EFCAB6: variants seen among roughly 807,000 people sequenced by gnomAD.
The protein encoded by EFCAB6 is EF-hand calcium-binding domain-containing protein 6.
Under a neutral mutation model 169.8 loss-of-function variants are expected in EFCAB6, and 156 were observed. The observed-to-expected ratio is 0.92, with a 90% confidence interval of 0.81 to 1.05. The LOEUF (loss-of-function observed/expected upper bound fraction) is 1.05. Ranked by LOEUF, EFCAB6 falls within the 50% of genes least tolerant of loss-of-function variation. EFCAB6 has a pLI of 0.00. For synonymous variants in EFCAB6, 698 were observed against 676.4 expected (o/e 1.03, Z -0.50); for missense variants, 1,800 against 1,829.1 (o/e 0.98, Z 0.29).
At chr22:43,746,931 C>T (rs557495999) in intron 6 of EFCAB6, among the ~76,000 whole-genome samples, 13 of 152,346 alleles carry the variant, frequency 8.5e-5, no homozygotes, top group African/African-American at 2.4e-4. Context: ...CAGAGCTGCA[C>T]ACCAGCAGGG....
intron 27 of EFCAB6, among the ~76,000 whole-genome samples, chr22:43,542,510 G>A (rs1292844316): frequency 6.6e-6 from 1 of 152,190 alleles, no homozygotes; most frequent in Non-Finnish European, 1.5e-5. Context: ...AACCTGGGAG[G>A]TGGATGCTGC....
intron 10 of EFCAB6, among the ~76,000 whole-genome samples, chr22:43,688,269 T>G (rs191243198): frequency 4.0e-4 from 61 of 152,318 alleles, no homozygotes; most frequent in African/African-American, 1.5e-3. Flanking sequence ...GCCCTGCTGA[T>G]TCCTTGATTC....
intron 23 of EFCAB6, among the ~76,000 whole-genome samples, chr22:43,593,566 G>A (rs189561492): frequency 3.3e-5 from 5 of 152,180 alleles, no homozygotes; most frequent in Admixed American, 6.5e-5. Context: ...ATTTTACTTC[G>A]AATTTCACAA....
intron 20 of EFCAB6, among the ~76,000 whole-genome samples, chr22:43,617,201 G>T (rs1312650808): frequency 6.6e-6 from 1 of 152,226 alleles, no homozygotes; most frequent in Non-Finnish European, 1.5e-5. Flanking sequence ...ATGGAATTAC[G>T]TTGCATTTTT....
intron 20 of EFCAB6, among the ~76,000 whole-genome samples, chr22:43,621,544 C>T (rs1440611751): frequency 6.6e-6 from 1 of 151,968 alleles, no homozygotes. Flanking sequence ...TTGTGAAATG[C>T]AGCTAAATCA....
intron 2 of EFCAB6, among the ~76,000 whole-genome samples, chr22:43,798,759 T>C (rs1337852066): frequency 6.6e-6 from 1 of 152,148 alleles, no homozygotes; most frequent in East Asian, 1.9e-4. Context: ...CAACACAAGG[T>C]AGACAATGCC....
At chr22:43,755,698 C>T in intron 6 of EFCAB6, 68 bp downstream of exon 6, 1 of 1,386,860 alleles carries the variant, frequency 7.2e-7, no homozygotes, top group Non-Finnish European at 9.8e-7. Context: ...TATCATCTAC[C>T]TCCACTAACA....
intron 10 of EFCAB6, among the ~76,000 whole-genome samples, chr22:43,689,349 G>GCACACACACACACACACACACA (rs3221390): frequency 5.4e-4 from 79 of 147,066 alleles, no homozygotes; most frequent in African/African-American, 1.2e-3. Context: ...GAGAGCACGT[G>GCACACACACACACACACACACA]CACACACACA....
chr22:43,697,283 G>A (rs2058610004), intron 10 of EFCAB6, among the ~76,000 whole-genome samples: 1 of 152,132 alleles, frequency 6.6e-6, no homozygotes, highest in Non-Finnish European at 1.5e-5. Flanking sequence ...ACATCATGGA[G>A]CCATTAAAAA....
At chr22:43,657,624 C>T (rs957374779) in intron 17 of EFCAB6, among the ~76,000 whole-genome samples, 1 of 152,100 alleles carries the variant, frequency 6.6e-6, no homozygotes, top group African/African-American at 2.4e-5. Flanking sequence ...TGGAGAGCCA[C>T]AACTTCATAC....
intron 17 of EFCAB6, among the ~76,000 whole-genome samples, chr22:43,649,030 G>A (rs2056328685): frequency 6.6e-6 from 1 of 151,808 alleles, no homozygotes; most frequent in South Asian, 2.1e-4. Flanking sequence ...GTGCAAACGA[G>A]CCAATGCCCA....
At chr22:43,735,216 C>T (rs534515505) in intron 7 of EFCAB6, among the ~76,000 whole-genome samples, 1 of 152,166 alleles carries the variant, frequency 6.6e-6, no homozygotes, top group Admixed American at 6.5e-5. Context: ...CCCGTGCAGG[C>T]TTCTGTGTGC....
chr22:43,632,037 C>T (rs2054983522), intron 19 of EFCAB6, 68 bp downstream of exon 19: 5 of 1,583,008 alleles, frequency 3.2e-6, no homozygotes, highest in Non-Finnish European at 4.3e-6. Context: ...GACTCACACC[C>T]ACTTGGGCTG....
chr22:43,739,389 TTCC>T (rs1195807885), intron 6 of EFCAB6, among the ~76,000 whole-genome samples: 2 of 152,072 alleles, frequency 1.3e-5, no homozygotes, highest in Non-Finnish European at 2.9e-5. Flanking sequence ...CCCTTGCTAG[TTCC>T]TCCTCCTCCT....
At chr22:43,715,602 C>G (rs1251899896) in intron 9 of EFCAB6, among the ~76,000 whole-genome samples, 5 of 152,138 alleles carry the variant, frequency 3.3e-5, no homozygotes, top group Admixed American at 6.5e-5. Flanking sequence ...TCTCCACCTA[C>G]CCACTGATCC....
intron 2 of EFCAB6, among the ~76,000 whole-genome samples, chr22:43,784,676 T>TATGTGTGTATATATACATATGCATAC (rs1439765812): frequency 4.8e-5 from 3 of 63,114 alleles, no homozygotes; most frequent in Admixed American, 4.9e-4. Context: ...TATACATATA[T>TATGTGTGTATATATACATATGCATAC]ACACACACAC....
At position 43,607,572 on chromosome 22, in the gene EFCAB6, G is replaced by C. The variant is rs58744235; in HGVS notation, c.2681+910C>G. On this transcript the variant is annotated intron_variant, in intron 22 of 31. Transcript: ENST00000262726. ...TCTAACTGGACCCTGTGTTGGAACT[G>C]ATCTTTAAAAAGTAAGCATTTTGTA... Among the ~76,000 whole-genome samples, 1,141 of 152,304 alleles carry C rather than the reference G, an allele frequency of 7.5e-3. 18 individuals carry two copies. The highest frequency in any genetic ancestry group is 0.026 in the African/African-American group (1,099 of 41,568).
intron 22 of EFCAB6, among the ~76,000 whole-genome samples, chr22:43,601,302 T>C (rs1231864710): frequency 6.6e-6 from 1 of 152,246 alleles, no homozygotes; most frequent in Non-Finnish European, 1.5e-5. Context: ...ATTACTTCAA[T>C]AAAAATTTTA....
chr22:43,683,677 G>A (rs9614259), intron 12 of EFCAB6, 70 bp downstream of exon 12: 119,587 of 1,110,796 alleles, frequency 0.11, 7,790 homozygotes, highest in Non-Finnish European at 0.13. Context: ...GTTGTTATTG[G>A]TCTTGTTCTG....
Sources: gnomAD v4.1 joint callset for allele counts (sites outside exome capture counted in the v4.1 genomes callset) on GRCh38, gnomAD v4.1.1 for gene constraint, MANE v1.5 for transcripts, NCBI Gene and HGNC (gene_info 2026-07-23, HGNC 2026-07-21) for gene names.